DCC: variants seen among roughly 807,000 people sequenced by gnomAD.
The protein encoded by DCC is netrin receptor DCC.
DCC carries 58 observed loss-of-function variants against 172.5 expected under a neutral mutation model. That is an observed-to-expected ratio of 0.34 (90% CI 0.27 to 0.42). The LOEUF (loss-of-function observed/expected upper bound fraction) is 0.42. DCC is among the 10% of genes least tolerant of loss of function. DCC has a pLI of 1.00. For synonymous variants in DCC, 709 were observed against 644.5 expected, an observed-to-expected ratio of 1.10 and a Z score of -1.52; for missense variants, 1,740 against 1,791.0, an observed-to-expected ratio of 0.97 and a Z score of 0.51.
At chr18:52,688,822 A>G (rs987726197) in intron 1 of DCC, among the ~76,000 whole-genome samples, 8 of 152,130 alleles carry the variant, frequency 5.3e-5, no homozygotes, top group Non-Finnish European at 7.4e-5. Context: ...TGCAAATAAC[A>G]GTAGCTCTTT....
chr18:53,127,633 C>A (rs536448424), intron 7 of DCC, among the ~76,000 whole-genome samples: 1 of 152,168 alleles, frequency 6.6e-6, no homozygotes, highest in Admixed American at 6.5e-5. Context: ...TGACTTTGAA[C>A]AAATAAAAGC....
chr18:52,479,145 T>C (rs2144578276), intron 1 of DCC, among the ~76,000 whole-genome samples: 1 of 152,318 alleles, frequency 6.6e-6, no homozygotes, highest in East Asian at 1.9e-4. Flanking sequence ...TATGGAGAGA[T>C]ATGTACAGTG....
chr18:53,226,948 A>ATATATTTTTTTTTTT, intron 12 of DCC, among the ~76,000 whole-genome samples: 9 of 52,954 alleles, frequency 1.7e-4, no homozygotes, highest in African/African-American at 7.5e-4. Context: ...ATATATATAT[A>ATATATTTTTTTTTTT]TTTTTTTTTT....
intron 12 of DCC, among the ~76,000 whole-genome samples, chr18:53,261,056 G>A (rs2056591893): frequency 6.6e-6 from 1 of 152,150 alleles, no homozygotes; most frequent in African/African-American, 2.4e-5. Flanking sequence ...TTGGAAAAGT[G>A]CAGTATTAGG....
At chr18:52,897,081 T>C (rs1438314310) in intron 2 of DCC, among the ~76,000 whole-genome samples, 2 of 152,196 alleles carry the variant, frequency 1.3e-5, no homozygotes, top group African/African-American at 4.8e-5. Context: ...GGTGAGATTA[T>C]GATAGACCAG....
At chr18:53,112,089 T>TAA (rs34715252) in intron 7 of DCC, among the ~76,000 whole-genome samples, 3,872 of 149,680 alleles carry the variant, frequency 0.026, 241 homozygotes, top group East Asian at 0.25. Flanking sequence ...ACTACAGGGG[T>TAA]AAAAAAAAAC....
At chr18:52,846,910 C>T (rs1598862202) in intron 2 of DCC, among the ~76,000 whole-genome samples, 1 of 152,064 alleles carries the variant, frequency 6.6e-6, no homozygotes. Flanking sequence ...CTGGGGCTGT[C>T]AGTGCAAATA....
chr18:53,048,575 G>A (rs201012751), intron 5 of DCC, among the ~76,000 whole-genome samples: 3 of 148,422 alleles, frequency 2.0e-5, no homozygotes, highest in Non-Finnish European at 4.5e-5. Flanking sequence ...ATGTATGTGT[G>A]TGTATATATA....
intron 7 of DCC, among the ~76,000 whole-genome samples, chr18:53,145,881 G>T (rs1169240987): frequency 6.6e-6 from 1 of 152,192 alleles, no homozygotes; most frequent in Non-Finnish European, 1.5e-5. Flanking sequence ...GCACCTGGAA[G>T]GTATTTAACC....
At chr18:53,508,105 G>A (rs971675107) in intron 27 of DCC, among the ~76,000 whole-genome samples, 1 of 151,866 alleles carries the variant, frequency 6.6e-6, no homozygotes, top group Non-Finnish European at 1.5e-5. Flanking sequence ...GTGTTAGCCA[G>A]GATGGTCTCG....
At chr18:53,060,951 C>A (rs904899204) in intron 5 of DCC, among the ~76,000 whole-genome samples, 1 of 151,936 alleles carries the variant, frequency 6.6e-6, no homozygotes, top group African/African-American at 2.4e-5. Context: ...TGAAAAAAAG[C>A]AAGAGGCTAC....
At chr18:52,346,725 A>G (rs1983895232) in intron 1 of DCC, among the ~76,000 whole-genome samples, 1 of 152,142 alleles carries the variant, frequency 6.6e-6, no homozygotes, top group Admixed American at 6.6e-5. Context: ...CAAGTAGGAA[A>G]CACACAAATC....
intron 1 of DCC, among the ~76,000 whole-genome samples, chr18:52,389,328 T>C (rs746241820): frequency 2.0e-5 from 3 of 152,152 alleles, no homozygotes; most frequent in Non-Finnish European, 4.4e-5. Flanking sequence ...TTTTAGTATA[T>C]CTCAAATATC....
rs563821893 is a variant in DCC, at chr18:52,928,575, A to G, written c.985+3205A>G. On this transcript the variant is annotated intron_variant, in intron 5 of 28. Coordinates refer to ENST00000442544, the MANE Select transcript of DCC (RefSeq NM_005215.4). ...TGCGTGCATATTTATATGTGTATAT[A>G]TGTACATATATGTGGATAGATATAC... Among the ~76,000 whole-genome samples, 212 of 152,212 alleles carry G rather than the reference A, an allele frequency of 1.4e-3. 1 individual carries two copies. The highest frequency in any genetic ancestry group is 1.7e-3 in the Non-Finnish European group (116 of 68,032).
At chr18:52,349,190 A>G (rs187834145) in intron 1 of DCC, among the ~76,000 whole-genome samples, 75 of 151,862 alleles carry the variant, frequency 4.9e-4, no homozygotes, top group African/African-American at 1.5e-3. Flanking sequence ...ATCCCCCCCA[A>G]TTTTTGTTTG....
At chr18:52,928,532 T>G (rs1411542841) in intron 5 of DCC, among the ~76,000 whole-genome samples, 2 of 152,212 alleles carry the variant, frequency 1.3e-5, no homozygotes, top group Admixed American at 1.3e-4. Flanking sequence ...ATGTAAAACA[T>G]GTACATATGC....
chr18:52,918,198 C>T (rs1440372638), intron 3 of DCC, among the ~76,000 whole-genome samples: 1 of 152,120 alleles, frequency 6.6e-6, no homozygotes, highest in Non-Finnish European at 1.5e-5. Flanking sequence ...CTGATACCCT[C>T]TCCTGTAATT....
At chr18:53,028,357 A>G (rs7506242) in intron 5 of DCC, among the ~76,000 whole-genome samples, 17,985 of 152,164 alleles carry the variant, frequency 0.12, 1,404 homozygotes, top group East Asian at 0.37. Flanking sequence ...TCTTTCTCTC[A>G]GTCAATTAAT....
intron 2 of DCC, among the ~76,000 whole-genome samples, chr18:52,820,800 T>G (rs2038391323): frequency 6.6e-6 from 1 of 152,130 alleles, no homozygotes; most frequent in African/African-American, 2.4e-5. Context: ...AAGTCTAACC[T>G]CAGAGACACT....
Sources: allele counts gnomAD v4.1 joint callset (sites outside exome capture counted in the v4.1 genomes callset), GRCh38; gene constraint gnomAD v4.1.1; transcripts MANE v1.5; gene names NCBI Gene and HGNC (gene_info 2026-07-23, HGNC 2026-07-21).